Variants in APBA2 observed in about 807,000 individuals in gnomAD.
The protein encoded by APBA2 is amyloid beta precursor protein binding family A member 2.
Under a neutral mutation model 75.0 loss-of-function variants are expected in APBA2, and 30 were observed. The observed-to-expected ratio is 0.40, with a 90% CI of 0.30 to 0.54. The LOEUF is 0.54. Among genes scored for constraint, APBA2 ranks in the 20% least tolerant of loss-of-function variants. The pLI is 0.49. For synonymous variants in APBA2, 444 were observed against 409.6 expected (o/e 1.08, Z -1.01); for missense variants, 801 against 1,016.1 (o/e 0.79, Z 2.88).
rs112255267 is a variant in APBA2, at chr15:28,933,226, T to TG, written c.-95+11484dup. On this transcript the variant is annotated intron_variant, in intron 2 of 14. Transcript: ENST00000683413. Reference sequence around the variant, plus strand: ...GATTAGGTTTCCAACACATGAACTTTGGGGGGGCACATTCCAACTATAGCA... The same window carrying TG: ...GATTAGGTTTCCAACACATGAACTTTGGGGGGGGCACATTCCAACTATAGCA... Among the ~76,000 whole-genome samples, 1,516 of 152,146 alleles carry TG rather than the reference T, an allele frequency of 1.0e-2. 27 individuals are homozygous for TG. Among genetic ancestry groups the TG allele is most frequent in the African/African-American group, 0.034 (1,408 of 41,488 alleles).
intron 3 of APBA2, among the ~76,000 whole-genome samples, chr15:29,007,272 G>A (rs2039166916): frequency 6.6e-6 from 1 of 152,164 alleles, no homozygotes; most frequent in Non-Finnish European, 1.5e-5. Context: ...TAAGAGCTGA[G>A]ACCATAAAAC....
At chr15:28,997,302 G>T (rs1315534739) in intron 3 of APBA2, among the ~76,000 whole-genome samples, 1 of 152,210 alleles carries the variant, frequency 6.6e-6, no homozygotes, top group African/African-American at 2.4e-5. Context: ...GATTATTAAT[G>T]GGTTTGGACA....
chr15:29,018,245 G>T (rs2039776211), intron 3 of APBA2, among the ~76,000 whole-genome samples: 1 of 152,178 alleles, frequency 6.6e-6, no homozygotes, highest in Admixed American at 6.5e-5. Flanking sequence ...TGCAAGCAGG[G>T]CTGAGCGTTG....
chr15:29,021,480 A>G (rs1455024103), intron 3 of APBA2, among the ~76,000 whole-genome samples: 1 of 152,154 alleles, frequency 6.6e-6, no homozygotes, highest in Non-Finnish European at 1.5e-5. Context: ...GTGAGCCAAG[A>G]TCATGCCACT....
intron 2 of APBA2, among the ~76,000 whole-genome samples, chr15:28,968,477 A>G (rs557389373): frequency 2.0e-5 from 3 of 152,314 alleles, no homozygotes; most frequent in African/African-American, 7.2e-5. Flanking sequence ...GGTGAAGTTC[A>G]GCGTGTCCCT....
intron 4 of APBA2, among the ~76,000 whole-genome samples, chr15:29,068,215 A>G (rs1235636152): frequency 3.9e-5 from 6 of 152,226 alleles, no homozygotes; most frequent in Non-Finnish European, 7.3e-5. Context: ...TTTTAGCCCC[A>G]GTAGGTTGCT....
At chr15:28,980,968 G>A (rs1363569502) in intron 2 of APBA2, among the ~76,000 whole-genome samples, 1 of 152,188 alleles carries the variant, frequency 6.6e-6, no homozygotes, top group Non-Finnish European at 1.5e-5. Flanking sequence ...ATGGTGCTGG[G>A]ATAGCTGGCT....
intron 6 of APBA2, among the ~76,000 whole-genome samples, chr15:29,088,463 G>A (rs930590878): frequency 2.0e-5 from 3 of 152,106 alleles, no homozygotes; most frequent in African/African-American, 4.8e-5. Flanking sequence ...CTTTCTCAGT[G>A]AGGGGCAGGT....
chr15:28,967,949 C>T lies in APBA2; in HGVS notation c.-94-27804C>T, dbSNP rs185295539. On this transcript the variant is annotated intron_variant, in intron 2 of 14. Transcript: ENST00000683413. ...CTGCACTCATTAAGCAGTAATTGTC[C>T]ATTCCCCTCTTTTCACACCCCCTGG... Among the ~76,000 whole-genome samples the T allele has an allele frequency of 1.1e-4, 17 of 152,274 alleles. No homozygotes were observed. The East Asian group carries it at 3.3e-3, about 29-fold the overall frequency.
chr15:29,060,022 T>G (rs1218993241), intron 4 of APBA2, among the ~76,000 whole-genome samples: 2 of 152,128 alleles, frequency 1.3e-5, no homozygotes, highest in Non-Finnish European at 2.9e-5. Context: ...CTTTACACCC[T>G]GGGGAGTAAA....
chr15:28,904,841 C>G (rs1312146782), intron 1 of APBA2, among the ~76,000 whole-genome samples: 1 of 152,138 alleles, frequency 6.6e-6, no homozygotes, highest in Non-Finnish European at 1.5e-5. Flanking sequence ...TTAGAGACTT[C>G]CCATGACACA....
intron 6 of APBA2, among the ~76,000 whole-genome samples, chr15:29,090,122 T>C (rs2043488542): frequency 6.6e-6 from 1 of 152,198 alleles, no homozygotes; most frequent in Admixed American, 6.5e-5. Context: ...GGCAGGATGC[T>C]GGGGCCACCT....
At chr15:29,003,569 G>A (rs1287009225) in intron 3 of APBA2, among the ~76,000 whole-genome samples, 1 of 152,182 alleles carries the variant, frequency 6.6e-6, no homozygotes, top group Non-Finnish European at 1.5e-5. Context: ...AAACAGTAGG[G>A]GATGGATAGG....
At position 29,074,723 on chromosome 15, in the gene APBA2, A is replaced by T. The variant is rs553369046; in HGVS notation, c.952-198A>T. 3.3e-4 allele frequency among the ~76,000 whole-genome samples: 51 copies of T among 152,334 alleles called. 1 individual carries two copies. In the South Asian group the frequency reaches 0.01, roughly 31 times the overall value. On this transcript the variant is annotated intron_variant, in intron 4 of 14. Transcript: ENST00000683413. ...ACAAATTTCAAAATGATTTAAAATA[A>T]CTTTTTTAGAAGTATGAAAATAGAA...
In APBA2 at chr15:28,991,401, C is replaced by T. The variant is rs529976589; in HGVS notation, c.-94-4352C>T. On this transcript the variant is annotated intron_variant, in intron 2 of 14. Transcript: ENST00000683413. The surrounding 1 kb of genome is among the most constrained non-coding windows in gnomAD (Gnocchi z 4.7). ...GCTTGGCTGAGCTACAGGGCCGGGCCGCAGGAGGCGTCCTTGTGCCGGAGC... is the reference window on the plus strand; with the variant it reads ...GCTTGGCTGAGCTACAGGGCCGGGCTGCAGGAGGCGTCCTTGTGCCGGAGC... Among the ~76,000 whole-genome samples, 59 of 152,288 alleles carry T rather than the reference C, an allele frequency of 3.9e-4. No individual in the cohort carries two copies. Among genetic ancestry groups the T allele is most frequent in the Non-Finnish European group, 7.9e-4 (54 of 68,018 alleles).
chr15:28,935,250 G>C (rs1435339535), intron 2 of APBA2, among the ~76,000 whole-genome samples: 1 of 152,208 alleles, frequency 6.6e-6, no homozygotes, highest in Non-Finnish European at 1.5e-5. Flanking sequence ...CCTTCCATCC[G>C]ATGCACCTCG....
intron 4 of APBA2, among the ~76,000 whole-genome samples, chr15:29,062,686 G>A (rs571060627): frequency 6.6e-6 from 1 of 152,310 alleles, no homozygotes; most frequent in South Asian, 2.1e-4. Flanking sequence ...TCAGGGCAGA[G>A]CATGTAAAGC....
At position 29,111,051 on chromosome 15, in the gene APBA2, G is replaced by A. The variant is rs1161334176; in HGVS notation, c.2037+2662G>A. 3.3e-5 allele frequency among the ~76,000 whole-genome samples: 5 copies of A among 152,160 alleles called. No homozygotes were observed. The East Asian group carries it at 9.6e-4, about 29-fold the overall frequency. The stretch of plus-strand genomic sequence containing the variant: ...AAGATCAGGGGGTGCAGGGTTGAGG[G>A]CAGCAGCAGACTTGCGGGGCCTGCA... On this transcript the variant is annotated intron_variant, in intron 13 of 14. Coordinates refer to ENST00000683413, the MANE Select transcript of APBA2 (RefSeq NM_001353788.2).
intron 6 of APBA2, among the ~76,000 whole-genome samples, chr15:29,089,237 A>G (rs1031294995): frequency 6.6e-6 from 1 of 152,344 alleles, no homozygotes; most frequent in Admixed American, 6.5e-5. Flanking sequence ...TGAACTCATG[A>G]CAGTGAACTT....
Sources: allele counts gnomAD v4.1 joint callset (sites outside exome capture counted in the v4.1 genomes callset), GRCh38; gene constraint gnomAD v4.1.1; non-coding constraint Gnocchi (gnomAD v3.1); transcripts MANE v1.5; gene names NCBI Gene and HGNC (gene_info 2026-07-23, HGNC 2026-07-21).